The following ZBTB6 variants were observed in gnomAD, a reference collection of about 807,000 sequenced individuals.
The protein encoded by ZBTB6 is zinc finger and BTB domain-containing protein 6.
Under a neutral mutation model 30.6 loss-of-function variants are expected in ZBTB6, and 11 were observed. That is an observed-to-expected ratio of 0.36 (90% CI 0.23 to 0.60). ZBTB6 has a LOEUF of 0.60. Ranked by LOEUF, ZBTB6 falls within the 20% of genes least tolerant of loss-of-function variation. The pLI is 0.75. For missense variants in ZBTB6, 380 were observed against 489.4 expected (o/e 0.78, Z 2.11); for synonymous variants, 174 against 172.0 (o/e 1.01, Z -0.09).
At position 122,910,698 on chromosome 9, in the gene ZBTB6, C is replaced by A; in HGVS notation, c.*100G>T. The A allele has an allele frequency of 8.3e-7, 1 of 1,209,752 alleles. No individual in the cohort carries two copies. Among genetic ancestry groups the A allele is most frequent in the Non-Finnish European group, 1.1e-6 (1 of 883,912 alleles). The allele number at this position is 1,209,752 out of a possible 1,614,324, so 74.9% of individuals were successfully genotyped here. On this transcript the variant is annotated 3_prime_UTR_variant, in exon 2 of 2. Coordinates refer to ENST00000373659, the MANE Select transcript of ZBTB6 (RefSeq NM_006626.6). ...GTGTAAGCCGACAAAATATAAGAAA[C>A]AAAGATTGGGGGGATGAAATATTAC...
chr9:122,912,501 C>T (rs1739364308), intron 1 of ZBTB6, among the ~76,000 whole-genome samples: 1 of 152,176 alleles, frequency 6.6e-6, no homozygotes, highest in African/African-American at 2.4e-5. Context: ...CCCACCACTA[C>T]AACAGGTCCT....
chr9:122,908,964 A>G lies in ZBTB6; in HGVS notation c.*1834T>C, dbSNP rs1436810236. ...AGACCTGGAAATGATCTTTCAAATG[A>G]CCAAGATCAAAGTTATTTTACATAT... On this transcript the variant is annotated 3_prime_UTR_variant, in exon 2 of 2. Transcript: ENST00000373659. 1 of 152,206 alleles carries G rather than the reference A, an allele frequency of 6.6e-6. No individual in the cohort carries two copies. The highest frequency in any genetic ancestry group is 2.4e-5 in the African/African-American group (1 of 41,458). The allele number at this position is 152,206 out of a possible 1,614,324, so 9.4% of individuals were successfully genotyped here.
At position 122,910,270 on chromosome 9, in the gene ZBTB6, A is replaced by G. The variant is rs948106301; in HGVS notation, c.*528T>C. On this transcript the variant is annotated 3_prime_UTR_variant, in exon 2 of 2. Transcript: ENST00000373659. ...CCAAGTGAATCTGAATTGTTACTTT[A>G]TACATTTTAAAATGAAAAGTATCTT... 6.6e-6 allele frequency: 1 copy of G among 152,450 alleles called. No homozygotes were observed. Among genetic ancestry groups the G allele is most frequent in the Non-Finnish European group, 1.5e-5 (1 of 68,244 alleles). 9.4% of individuals were successfully genotyped at this position (152,450 alleles called of 1,614,324 possible). A position where few individuals can be genotyped will look rare whatever the true frequency, so the allele number is the denominator to read the frequency against.
chr9:122,912,818 T>C (rs1207369862), intron 1 of ZBTB6, among the ~76,000 whole-genome samples: 1 of 152,192 alleles, frequency 6.6e-6, no homozygotes, highest in Admixed American at 6.5e-5. Context: ...TTTCCATCAT[T>C]ACCCAGACAA....
In ZBTB6 at chr9:122,909,152, G is replaced by A. The variant is rs1368235013; in HGVS notation, c.*1646C>T. The A allele has an allele frequency of 6.6e-6, 1 of 152,140 alleles. No homozygotes were observed. The highest frequency in any genetic ancestry group is 1.5e-5 in the Non-Finnish European group (1 of 68,008). The allele number at this position is 152,140 out of a possible 1,614,324, so 9.4% of individuals were successfully genotyped here. The stretch of plus-strand genomic sequence containing the variant: ...TTTCCCACAAAATTGTCAAAAAAAG[G>A]TTAACACTTATAACAACGAACATGT... On this transcript the variant is annotated 3_prime_UTR_variant, in exon 2 of 2. Transcript: ENST00000373659.
chr9:122,912,156 A>C, intron 1 of ZBTB6, 75 bp from the exon 2 acceptor site: 1 of 1,439,722 alleles, frequency 6.9e-7, no homozygotes, highest in Non-Finnish European at 9.4e-7. Flanking sequence ...GGTGAAAACA[A>C]ACGAAAAACC....
chr9:122,911,466 G>A lies in ZBTB6; in HGVS notation c.607C>T (p.Pro203Ser). 1 of 1,614,108 alleles carries A rather than the reference G, an allele frequency of 6.2e-7. No individual in the cohort carries two copies. Among genetic ancestry groups the A allele is most frequent in the Non-Finnish European group, 8.5e-7 (1 of 1,180,036 alleles). Residue 203 changes from proline (P) to serine (S), a missense_variant, in exon 2 of 2, where the codon CCA becomes TCA. Pro to Ser is a moderately conservative substitution (Grantham distance 74). Coordinates refer to ENST00000373659, the MANE Select transcript of ZBTB6 (RefSeq NM_006626.6). This position sits in a 1 kb window ranked among gnomAD's most constrained non-coding sequence, Gnocchi z 4.5. The stretch of plus-strand genomic sequence containing the variant: ...CCTATGTCTACTGTAGACAGCTCTG[G>A]TGACTTCATTTCCTTTCTCTCTGAT... ...LTSERKEMKS[P>S]ELSTVDIGFK...
rs1832955302 is a variant in ZBTB6 at position 122,911,576 on chromosome 9, A to T, written c.497T>A (p.Ile166Asn). 1 of 1,613,642 alleles carries T rather than the reference A, an allele frequency of 6.2e-7. No individual in the cohort carries two copies. The highest frequency in any genetic ancestry group is 8.5e-7 in the Non-Finnish European group (1 of 1,180,040). The change falls in exon 2 of 2, where the codon ATT becomes AAT. Residue 166 changes from isoleucine (I) to asparagine (N), a missense_variant. Physicochemically the swap from Ile to Asn is moderately radical, Grantham distance 149. Coordinates refer to ENST00000373659, the MANE Select transcript of ZBTB6 (RefSeq NM_006626.6). This position sits in a 1 kb window ranked among gnomAD's most constrained non-coding sequence, Gnocchi z 4.5. ...NSDKDCEIIE[I>N]SEDSPVNIDF... ...TATGTTTACAGGACTATCTTCTGAAATTTCAATTATCTCACAGTCTTTATC... is the reference window on the plus strand; with the variant it reads ...TATGTTTACAGGACTATCTTCTGAATTTTCAATTATCTCACAGTCTTTATC...
In ZBTB6 at chr9:122,909,509, T is replaced by C. The variant is rs1465274749; in HGVS notation, c.*1289A>G. The stretch of plus-strand genomic sequence containing the variant: ...AATATGACTCTCGCTAAAATAATCA[T>C]ACAGTCATAGTTTTCCTTTTGGCAT... On this transcript the variant is annotated 3_prime_UTR_variant, in exon 2 of 2. Transcript: ENST00000373659. 1 of 152,192 alleles carries C rather than the reference T, an allele frequency of 6.6e-6. No homozygotes were observed. The highest frequency in any genetic ancestry group is 1.5e-5 in the Non-Finnish European group (1 of 68,018). 9.4% of individuals were successfully genotyped at this position (152,192 alleles called of 1,614,324 possible).
intron 1 of ZBTB6, 129 bp downstream of exon 1, chr9:122,913,122 A>G (rs991602799): frequency 5.2e-6 from 2 of 381,014 alleles, no homozygotes; most frequent in Non-Finnish European, 7.2e-6. Context: ...GCGAAGGGCC[A>G]AGGCCCTGTC....
chr9:122,910,792 T>C lies in ZBTB6; in HGVS notation c.*6A>G. The stretch of plus-strand genomic sequence containing the variant: ...CAAACTTTATATAACAAGTCTGTGA[T>C]TATAATTATAGTAGACTTTGCCTTT... On this transcript the variant is annotated 3_prime_UTR_variant, in exon 2 of 2. Transcript: ENST00000373659. The C allele has an allele frequency of 6.3e-7, 1 of 1,593,688 alleles. No homozygotes were observed. Among genetic ancestry groups the C allele is most frequent in the Non-Finnish European group, 8.6e-7 (1 of 1,166,424 alleles).
chr9:122,912,771 C>A (rs929540957), intron 1 of ZBTB6, among the ~76,000 whole-genome samples: 1 of 152,196 alleles, frequency 6.6e-6, no homozygotes, highest in Admixed American at 6.5e-5. Flanking sequence ...ACCTTCTATT[C>A]TCTTTTTCAT....
Position 122,911,496 on chromosome 9 carries a change from G to C in ZBTB6, c.577C>G (p.Leu193Val), listed in dbSNP as rs780719850. 1 of 1,614,064 alleles carries C rather than the reference G, an allele frequency of 6.2e-7. No homozygotes were observed. Among genetic ancestry groups the C allele is most frequent in the Non-Finnish European group, 8.5e-7 (1 of 1,180,014 alleles). ...TTCATTTCCTTTCTCTCTGATGTCA[G>C]ACTCTCTACTGTAGACTGCAAAGCA... The part of the protein sequence containing the change: ...SNALQSTVES[L>V]TSERKEMKSP... Residue 193 changes from leucine to valine, a missense_variant, in exon 2 of 2, where the codon CTG becomes GTG. Coordinates refer to ENST00000373659, the MANE Select transcript of ZBTB6 (RefSeq NM_006626.6). The surrounding 1 kb of genome is among the most constrained non-coding windows in gnomAD (Gnocchi z 4.5).
At position 122,909,263 on chromosome 9, in the gene ZBTB6, A is replaced by C. The variant is rs951803780; in HGVS notation, c.*1535T>G. ...AAGGGCTTCAATAGAAATTAAATAC[A>C]GTAGAAATTCTACATAAAGCTAAGT... On this transcript the variant is annotated 3_prime_UTR_variant, in exon 2 of 2. Transcript: ENST00000373659. The C allele has an allele frequency of 6.6e-5, 10 of 152,256 alleles. No individual in the cohort carries two copies. Among genetic ancestry groups the C allele is most frequent in the African/African-American group, 2.4e-4 (10 of 41,470 alleles). The allele number at this position is 152,256 out of a possible 1,614,324, so 9.4% of individuals were successfully genotyped here.
At position 122,911,510 on chromosome 9, in the gene ZBTB6, G is replaced by T; in HGVS notation, c.563C>A (p.Ser188Tyr). 1 of 1,614,050 alleles carries T rather than the reference G, an allele frequency of 6.2e-7. No homozygotes were observed. Among genetic ancestry groups the T allele is most frequent in the South Asian group, 1.1e-5 (1 of 91,062 alleles). ...VKEEESNALQ[S>Y]TVESLTSERK... ...CTCTGATGTCAGACTCTCTACTGTA[G>T]ACTGCAAAGCATTGCTTTCCTCTTC... The change falls in exon 2 of 2, where the codon TCT becomes TAT. Residue 188 changes from serine (S) to tyrosine (Y), a missense_variant. Transcript: ENST00000373659. This position sits in a 1 kb window ranked among gnomAD's most constrained non-coding sequence, Gnocchi z 4.5.
chr9:122,912,202 T>C (rs528888544), intron 1 of ZBTB6, 121 bp from the exon 2 acceptor site: 2 of 995,758 alleles, frequency 2.0e-6, no homozygotes, highest in South Asian at 1.7e-5. Flanking sequence ...ACTCAAAGTC[T>C]AATGTAGGTG....
In ZBTB6 at chr9:122,911,492, G is replaced by A. The variant is rs1335920276; in HGVS notation, c.581C>T (p.Thr194Ile). ...TGACTTCATTTCCTTTCTCTCTGAT[G>A]TCAGACTCTCTACTGTAGACTGCAA... ...NALQSTVESL[T>I]SERKEMKSPE... Residue 194 changes from threonine to isoleucine, a missense_variant, in exon 2 of 2, where the codon ACA (threonine) becomes ATA (isoleucine). By Grantham distance (89) the Thr-to-Ile change is moderately conservative. Coordinates refer to ENST00000373659, the MANE Select transcript of ZBTB6 (RefSeq NM_006626.6). The surrounding 1 kb of genome is among the most constrained non-coding windows in gnomAD (Gnocchi z 4.5). 1.2e-6 allele frequency: 2 copies of A among 1,613,954 alleles called. No homozygotes were observed. The highest frequency in any genetic ancestry group is 1.7e-6 in the Non-Finnish European group (2 of 1,180,018).
In ZBTB6 at chr9:122,908,406, T is replaced by C. The variant is rs1351633624; in HGVS notation, c.*2392A>G. 1 of 152,552 alleles carries C rather than the reference T, an allele frequency of 6.6e-6. No homozygotes were observed. Among genetic ancestry groups the C allele is most frequent in the Non-Finnish European group, 1.5e-5 (1 of 68,024 alleles). The allele number at this position is 152,552 out of a possible 1,614,324, so 9.4% of individuals were successfully genotyped here. ...TTCCGTGCTACTGAACAGGAATAAA[T>C]AATATAAATAATAACCATCACTTTC... On this transcript the variant is annotated 3_prime_UTR_variant, in exon 2 of 2. Transcript: ENST00000373659.
At chr9:122,913,132 C>A (rs758702013) in intron 1 of ZBTB6, 119 bp downstream of exon 1, 8 of 464,520 alleles carry the variant, frequency 1.7e-5, no homozygotes, top group Non-Finnish European at 2.3e-5. Context: ...AAGGCCCTGT[C>A]GGCCCAGTGG....
Sources: gnomAD v4.1 joint callset for allele counts (sites outside exome capture counted in the v4.1 genomes callset) on GRCh38, gnomAD v4.1.1 for gene constraint, Gnocchi (gnomAD v3.1) non-coding constraint, MANE v1.5 for transcripts, NCBI Gene and HGNC (gene_info 2026-07-23, HGNC 2026-07-21) for gene names.